EIF2AK3: variants seen among roughly 807,000 people sequenced by gnomAD.
EIF2AK3 encodes the protein eukaryotic translation initiation factor 2-alpha kinase 3.
EIF2AK3 carries 50 observed loss-of-function variants against 113.5 expected under a neutral mutation model. The observed-to-expected ratio is 0.44, with a 90% confidence interval of 0.35 to 0.56. The LOEUF (loss-of-function observed/expected upper bound fraction) is 0.56, where lower values mean the gene tolerates loss of function less well. EIF2AK3 is among the 20% of genes least tolerant of loss of function. The probability of loss-of-function intolerance (pLI) is 0.00; values close to 1 mark genes in which losing one functional copy is unlikely to be tolerated. For synonymous variants in EIF2AK3, 448 were observed against 495.4 expected (o/e 0.90, Z 1.27); for missense variants, 1,185 against 1,378.0 (o/e 0.86, Z 2.22).
At chr2:88,561,100 A>G (rs1673942148) in intron 15 of EIF2AK3, among the ~76,000 whole-genome samples, 1 of 151,836 alleles carries the variant, frequency 6.6e-6, no homozygotes, top group Non-Finnish European at 1.5e-5. Context: ...CTCTCAAGGC[A>G]TGTGCTACCA....
chr2:88,627,121 C>A lies in EIF2AK3; in HGVS notation c.154G>T (p.Ala52Ser), dbSNP rs201593811. The A allele has an allele frequency of 5.3e-6, 8 of 1,502,876 alleles. No homozygotes were observed. The highest frequency in any genetic ancestry group is 1.4e-5 in the African/African-American group (1 of 69,204). The allele number at this position is 1,502,876 out of a possible 1,614,324, so 93.1% of individuals were successfully genotyped here. ...EAAFGLGAAA[A>S]PTSATRVPAA... The stretch of plus-strand genomic sequence containing the variant: ...GGTACTCGCGTCGCTGAGGTGGGAG[C>A]AGCGGCCGCCCCGAGGCCGAACGCC... Residue 52 changes from alanine (A) to serine (S), a missense_variant, in exon 1 of 17, where the codon GCT (alanine) becomes TCT (serine). Around this residue, in one of 3 missense-constraint regions of EIF2AK3, gnomAD observed 189 missense variants for 175.2 expected, o/e 1.08. Transcript: ENST00000303236.
At chr2:88,586,968 A>T (rs1158803301) in intron 8 of EIF2AK3, among the ~76,000 whole-genome samples, 4 of 148,956 alleles carry the variant, frequency 2.7e-5, no homozygotes, top group African/African-American at 9.8e-5. Context: ...ACACTTTGGG[A>T]GGCCGAGGCA....
At chr2:88,587,908 G>A in intron 8 of EIF2AK3, 74 bp downstream of exon 8, 7 of 1,048,888 alleles carry the variant, frequency 6.7e-6, no homozygotes, top group Non-Finnish European at 9.5e-6. Flanking sequence ...TACTCTAATC[G>A]ACTTTTCTTC....
At chr2:88,558,825 C>G (rs891250327) in intron 16 of EIF2AK3, 92 bp downstream of exon 16, 18 of 1,066,280 alleles carry the variant, frequency 1.7e-5, no homozygotes, top group Non-Finnish European at 2.5e-5. Flanking sequence ...GCTTCCTCAT[C>G]TGTAAAATAG....
At position 88,611,925 on chromosome 2, in the gene EIF2AK3, C is replaced by A. The variant is rs189810983; in HGVS notation, c.438+1799G>T. Among the ~76,000 whole-genome samples the A allele has an allele frequency of 1.5e-3, 221 of 152,130 alleles. 1 individual carries two copies. Among genetic ancestry groups the A allele is most frequent in the African/African-American group, 5.1e-3 (210 of 41,500 alleles). On this transcript the variant is annotated intron_variant, in intron 2 of 16. Coordinates refer to ENST00000303236, the MANE Select transcript of EIF2AK3 (RefSeq NM_004836.7). ...GGCATGAGTCACCACGCCCGGCCTA[C>A]GATTCAACATTTCAAAGCAAAAATT...
rs1419626031 is a variant in EIF2AK3, at chr2:88,556,770, TTA to T, written c.*964_*965del. The T allele has an allele frequency of 1.3e-5, 2 of 152,228 alleles. No individual in the cohort carries two copies. The highest frequency in any genetic ancestry group is 2.9e-5 in the Non-Finnish European group (2 of 68,036). The allele number at this position is 152,228 out of a possible 1,614,324, so 9.4% of individuals were successfully genotyped here. A position where few individuals can be genotyped will look rare whatever the true frequency, so the allele number is the denominator to read the frequency against. On this transcript the variant is annotated 3_prime_UTR_variant, in exon 17 of 17. Transcript: ENST00000303236. ...TTTAAAAAAAGTTTTATTAAATCAT[TTA>T]GACTTGAAAGAAGTCACAAGTTAAC...
At position 88,591,064 on chromosome 2, in the gene EIF2AK3, A is replaced by C. The variant is rs1276827888; in HGVS notation, c.768-12T>G. The C allele has an allele frequency of 6.2e-7, 1 of 1,610,512 alleles. No individual in the cohort carries two copies. The highest frequency in any genetic ancestry group is 8.5e-7 in the Non-Finnish European group (1 of 1,176,930). ...CACTGAAATTCCACCTTAAATTTAC[A>C]AAGGTGTGTTTTAGAAATTTACATT... On this transcript the variant is annotated splice_polypyrimidine_tract_variant and intron_variant, in intron 4 of 16. Coordinates refer to ENST00000303236, the MANE Select transcript of EIF2AK3 (RefSeq NM_004836.7).
chr2:88,557,412 T>A lies in EIF2AK3; in HGVS notation c.*324A>T. Reference sequence around the variant, plus strand: ...CTTCTGCATTATAAAAATATATCCATTTTAGTTCTCACTATATATATATAT... The same window carrying A: ...CTTCTGCATTATAAAAATATATCCAATTTAGTTCTCACTATATATATATAT... On this transcript the variant is annotated 3_prime_UTR_variant, in exon 17 of 17. Transcript: ENST00000303236. The A allele has an allele frequency of 3.3e-6, 1 of 306,066 alleles. No individual in the cohort carries two copies. Among genetic ancestry groups the A allele is most frequent in the Non-Finnish European group, 6.2e-6 (1 of 161,578 alleles). 19.0% of individuals were successfully genotyped at this position (306,066 alleles called of 1,614,324 possible). A position where few individuals can be genotyped will look rare whatever the true frequency, so the allele number is the denominator to read the frequency against.
intron 2 of EIF2AK3, among the ~76,000 whole-genome samples, chr2:88,613,104 C>T (rs1387128593): frequency 2.0e-5 from 3 of 152,150 alleles, no homozygotes; most frequent in Non-Finnish European, 4.4e-5. Context: ...AGGCTGTGTC[C>T]TCACTTTATT....
intron 15 of EIF2AK3, among the ~76,000 whole-genome samples, chr2:88,561,465 G>GT (rs1673958614): frequency 6.6e-6 from 1 of 151,974 alleles, no homozygotes; most frequent in Admixed American, 6.5e-5. Context: ...GTTTTACCGT[G>GT]TTAGCCAGGA....
intron 11 of EIF2AK3, among the ~76,000 whole-genome samples, chr2:88,577,479 T>C (rs2104415964): frequency 6.7e-6 from 1 of 149,890 alleles, no homozygotes; most frequent in East Asian, 2.0e-4. Flanking sequence ...TTTTTTTTCC[T>C]GAGACAGGGT....
intron 11 of EIF2AK3, 30 bp from the exon 12 acceptor site, chr2:88,576,733 G>A (rs1337499831): frequency 1.1e-5 from 18 of 1,610,698 alleles, no homozygotes; most frequent in Admixed American, 3.3e-5. Context: ...TAAGGTGATG[G>A]ATATTCCAAT....
chr2:88,560,300 TTGTC>T (rs1673914213), intron 15 of EIF2AK3, among the ~76,000 whole-genome samples: 1 of 152,158 alleles, frequency 6.6e-6, no homozygotes, highest in African/African-American at 2.4e-5. Flanking sequence ...TTAAAATGAG[TTGTC>T]TTTTTGTTGA....
Position 88,570,978 on chromosome 2 carries a change from C to A in EIF2AK3, c.2881G>T (p.Ala961Ser). The A allele has an allele frequency of 6.2e-7, 1 of 1,614,182 alleles. No individual in the cohort carries two copies. Among genetic ancestry groups the A allele is most frequent in the Non-Finnish European group, 8.5e-7 (1 of 1,180,036 alleles). Reference sequence around the variant, plus strand: ...TGCTCTTCCTCATCCTGGTCCATTGCAGTCACTAACCCAAAGTCTCCAACC... The same window carrying A: ...TGCTCTTCCTCATCCTGGTCCATTGAAGTCACTAACCCAAAGTCTCCAACC... ...VKVGDFGLVTAMDQDEEEQTV... is the reference protein window; with the variant it reads ...VKVGDFGLVTSMDQDEEEQTV... The change falls in exon 14 of 17, where the codon GCA (alanine) becomes TCA (serine). Residue 961 changes from alanine (A) to serine (S), a missense_variant. Ala to Ser is a moderately conservative substitution (Grantham distance 99). Coordinates refer to ENST00000303236, the MANE Select transcript of EIF2AK3 (RefSeq NM_004836.7).
chr2:88,584,657 A>C (rs1267560637), intron 9 of EIF2AK3, among the ~76,000 whole-genome samples: 1 of 152,040 alleles, frequency 6.6e-6, no homozygotes, highest in Non-Finnish European at 1.5e-5. Flanking sequence ...AGGAAATCTA[A>C]CTCAGAAATA....
chr2:88,580,749 A>ACTTACATAC (rs1343847896), intron 10 of EIF2AK3, among the ~76,000 whole-genome samples: 2 of 152,190 alleles, frequency 1.3e-5, no homozygotes, highest in Admixed American at 1.3e-4. Flanking sequence ...TTACATTATG[A>ACTTACATAC]CTTACATACT....
intron 2 of EIF2AK3, among the ~76,000 whole-genome samples, chr2:88,602,587 C>T (rs1253956931): frequency 6.6e-6 from 1 of 152,000 alleles, no homozygotes; most frequent in Non-Finnish European, 1.5e-5. Flanking sequence ...ACCTAAGAAC[C>T]CCAGAGAGCA....
At chr2:88,614,478 AT>A (rs1395226116) in intron 1 of EIF2AK3, among the ~76,000 whole-genome samples, 1 of 152,104 alleles carries the variant, frequency 6.6e-6, no homozygotes, top group African/African-American at 2.4e-5. Context: ...CACCTAACAT[AT>A]TTAACATACT....
At chr2:88,578,658 G>T (rs6547784) in intron 11 of EIF2AK3, among the ~76,000 whole-genome samples, 20,977 of 151,090 alleles carry the variant, frequency 0.14, 2,411 homozygotes, top group African/African-American at 0.32. Context: ...CTCCAGCCTG[G>T]GTGACGGTGC....
Sources: gnomAD v4.1 joint callset for allele counts (sites outside exome capture counted in the v4.1 genomes callset) on GRCh38, gnomAD v4.1.1 for gene constraint, gnomAD v4.1.1 regional missense constraint, MANE v1.5 for transcripts, NCBI Gene and HGNC (gene_info 2026-07-23, HGNC 2026-07-21) for gene names.